The following FMO4 variants were observed in gnomAD, a reference collection of about 807,000 sequenced individuals.
The protein encoded by FMO4 is dimethylaniline monooxygenase [N-oxide-forming] 4.
A neutral mutation model predicts 43.3 loss-of-function variants in FMO4; 38 were observed. That is an observed-to-expected ratio of 0.88 (90% CI 0.68 to 1.15). The LOEUF (loss-of-function observed/expected upper bound fraction) is 1.15. Among genes scored for constraint, FMO4 ranks in the 50% most tolerant of loss-of-function variants. The pLI, the probability that FMO4 is intolerant of heterozygous loss-of-function variation, is 0.00. For synonymous variants in FMO4, 224 were observed against 232.2 expected (o/e 0.96, Z 0.32); for missense variants, 631 against 663.3 (o/e 0.95, Z 0.54).
Position 171,332,730 on chromosome 1 carries a change from G to C in FMO4, c.649G>C (p.Gly217Arg). 2 of 1,609,210 alleles carry C rather than the reference G, an allele frequency of 1.2e-6. No individual in the cohort carries two copies. The highest frequency in any genetic ancestry group is 1.7e-6 in the Non-Finnish European group (2 of 1,175,774). Residue 217 changes from glycine to arginine, a missense_variant, in exon 7 of 10, where the codon GGT becomes CGT. By Grantham distance (125) the Gly-to-Arg change is moderately radical. Coordinates refer to ENST00000367749, the MANE Select transcript of FMO4 (RefSeq NM_002022.3). ...AAQVLLSTRT[G>R]TWVLGRSSDW... The stretch of plus-strand genomic sequence containing the variant: ...TTAGGTACTTCTCAGTACTAGAACT[G>C]GTACCTGGGTTCTTGGGCGCTCTTC...
At chr1:171,337,563 A>C in intron 9 of FMO4, 138 bp downstream of exon 9, 1 of 659,306 alleles carries the variant, frequency 1.5e-6, no homozygotes, top group Non-Finnish European at 2.7e-6. Flanking sequence ...AGAAGGATAC[A>C]TTTTTAGTCC....
At chr1:171,340,688 G>A (rs1316347290) in intron 9 of FMO4, among the ~76,000 whole-genome samples, 3 of 152,010 alleles carry the variant, frequency 2.0e-5, no homozygotes, top group Non-Finnish European at 4.4e-5. Context: ...GGTTGGGGAG[G>A]GATGAAGGGC....
intron 8 of FMO4, among the ~76,000 whole-genome samples, chr1:171,335,794 G>GA (rs1663093444): frequency 6.6e-6 from 1 of 152,018 alleles, no homozygotes; most frequent in Non-Finnish European, 1.5e-5. Context: ...TTACATTACA[G>GA]AAAAAAATCC....
chr1:171,324,495 A>G (rs1385354688), intron 5 of FMO4, among the ~76,000 whole-genome samples, 195 bp downstream of exon 5: 1 of 152,168 alleles, frequency 6.6e-6, no homozygotes. Flanking sequence ...ATTTATTAAT[A>G]TAAATATTAT....
chr1:171,319,946 T>C lies in FMO4; in HGVS notation c.121T>C (p.Trp41Arg), dbSNP rs1214868616. The C allele has an allele frequency of 6.2e-7, 1 of 1,613,820 alleles. No individual in the cohort carries two copies. The highest frequency in any genetic ancestry group is 2.2e-5 in the East Asian group (1 of 44,882). ...GAGAAGTGATGACATTGGGGGATTA[T>C]GGAAGTTTACTGTACGTGGTTCATC... ...FERSDDIGGL[W>R]KFTESSKDGM... The change falls in exon 3 of 10, where the codon TGG (tryptophan) becomes CGG (arginine). Residue 41 changes from tryptophan (W) to arginine (R), a missense_variant. By Grantham distance (101) the Trp-to-Arg change is moderately radical. Coordinates refer to ENST00000367749, the MANE Select transcript of FMO4 (RefSeq NM_002022.3).
chr1:171,340,517 G>A (rs1046683591), intron 9 of FMO4, among the ~76,000 whole-genome samples: 7 of 152,174 alleles, frequency 4.6e-5, no homozygotes, highest in Non-Finnish European at 7.3e-5. Context: ...AGCAGTCGTC[G>A]CTTTGGCAGT....
chr1:171,334,909 G>C, intron 8 of FMO4, 146 bp downstream of exon 8: 1 of 551,234 alleles, frequency 1.8e-6, no homozygotes, highest in South Asian at 3.2e-5. Context: ...TAATATGAGG[G>C]TGTGCTGTGT....
intron 2 of FMO4, among the ~76,000 whole-genome samples, chr1:171,318,145 A>G (rs1009058202): frequency 1.3e-5 from 2 of 152,022 alleles, no homozygotes; most frequent in Non-Finnish European, 1.5e-5. Context: ...GTGAAACCCC[A>G]TGTCTACTAA....
In FMO4 at chr1:171,319,868, CT is replaced by C. The variant is rs748911262; in HGVS notation, c.44del (p.Leu15ProfsTer37). The C allele has an allele frequency of 6.2e-7, 1 of 1,613,732 alleles. No homozygotes were observed. The highest frequency in any genetic ancestry group is 8.5e-7 in the Non-Finnish European group (1 of 1,179,774). Reference protein sequence around the residue: ...VAVIGAGVSGLSSIKCCVDED... With the variant: ...VAVIGAGVSGXSSIKCCVDED... ...AGTGATTGGAGCTGGTGTGAGTGGC[CT>C]CTCCTCCATCAAATGCTGTGTGGAT... On this transcript the variant is annotated frameshift_variant, in exon 3 of 10. Coordinates refer to ENST00000367749, the MANE Select transcript of FMO4 (RefSeq NM_002022.3). LOFTEE classifies it high-confidence loss of function.
intron 7 of FMO4, among the ~76,000 whole-genome samples, chr1:171,334,189 G>C (rs187732833): frequency 3.2e-4 from 49 of 152,248 alleles, no homozygotes; most frequent in African/African-American, 1.2e-3. Flanking sequence ...CCCCAAGCAA[G>C]AAAGAGTAGG....
intron 1 of FMO4, among the ~76,000 whole-genome samples, chr1:171,315,646 A>G (rs1272313214): frequency 6.6e-6 from 1 of 152,164 alleles, no homozygotes; most frequent in East Asian, 1.9e-4. Context: ...TTCACTCACT[A>G]CCTTCCTCTA....
intron 5 of FMO4, among the ~76,000 whole-genome samples, chr1:171,325,060 G>C (rs1269754742): frequency 6.6e-6 from 1 of 152,124 alleles, no homozygotes; most frequent in Non-Finnish European, 1.5e-5. Flanking sequence ...AGTGAGCAAA[G>C]ATCACGTCAC....
At chr1:171,339,443 A>G (rs971242979) in intron 9 of FMO4, among the ~76,000 whole-genome samples, 3 of 152,156 alleles carry the variant, frequency 2.0e-5, no homozygotes, top group Admixed American at 1.3e-4. Context: ...CATACATACA[A>G]TGCCTCCATC....
chr1:171,333,231 T>C (rs1662976279), intron 7 of FMO4: 2 of 255,110 alleles, frequency 7.8e-6, no homozygotes, highest in East Asian at 2.3e-4. Flanking sequence ...ATGTTGTTTT[T>C]GTTCTTGTTG....
At chr1:171,327,650 C>T (rs1469308174) in intron 5 of FMO4, among the ~76,000 whole-genome samples, 1 of 152,162 alleles carries the variant, frequency 6.6e-6, no homozygotes, top group African/African-American at 2.4e-5. Context: ...TGTGGTGGCT[C>T]ATGCCTATAA....
chr1:171,338,305 G>A (rs1406143382), intron 9 of FMO4, among the ~76,000 whole-genome samples: 2 of 151,814 alleles, frequency 1.3e-5, no homozygotes, highest in East Asian at 3.9e-4. Flanking sequence ...CTCTTACCTG[G>A]TCTCCCTCCT....
chr1:171,331,853 C>A, intron 6 of FMO4, 71 bp downstream of exon 6: 1 of 1,399,486 alleles, frequency 7.1e-7, no homozygotes, highest in Non-Finnish European at 1.0e-6. Context: ...ATATTCAAAA[C>A]TATGAAGTAC....
Position 171,336,837 on chromosome 1 carries a change from A to G in FMO4, c.1181-519A>G, listed in dbSNP as rs534112486. ...GGCTGGTCTTGAACTCTTGGACTTA[A>G]GCTGTCCTCCTACCTTGCCCTCCCA... On this transcript the variant is annotated intron_variant, in intron 8 of 9. Coordinates refer to ENST00000367749, the MANE Select transcript of FMO4 (RefSeq NM_002022.3). 1.7e-4 allele frequency among the ~76,000 whole-genome samples: 26 copies of G among 152,130 alleles called. No individual in the cohort carries two copies. The South Asian group carries it at 5.4e-3, about 32-fold the overall frequency.
In FMO4 at chr1:171,330,956, A is replaced by G. The variant is rs542955106; in HGVS notation, c.485-684A>G. On this transcript the variant is annotated intron_variant, in intron 5 of 9. Transcript: ENST00000367749. The stretch of plus-strand genomic sequence containing the variant: ...AATAAAACACAAATAAGCATACTGC[A>G]TAATAACACATCAATAATAAAGCAT... Among the ~76,000 whole-genome samples the G allele has an allele frequency of 1.9e-4, 29 of 152,352 alleles. 1 individual carries two copies. In the South Asian group the frequency reaches 5.2e-3, roughly 27 times the overall value.
Sources: gnomAD v4.1 joint callset for allele counts (sites outside exome capture counted in the v4.1 genomes callset) on GRCh38, gnomAD v4.1.1 for gene constraint, MANE v1.5 for transcripts, NCBI Gene and HGNC (gene_info 2026-07-23, HGNC 2026-07-21) for gene names.